DLGAP5: variants seen among roughly 807,000 people sequenced by gnomAD.
DLGAP5 encodes DLG associated protein 5.
DLGAP5 carries 90 observed loss-of-function variants against 99.6 expected under a neutral mutation model. That is an observed-to-expected ratio of 0.90 (90% CI 0.76 to 1.08). The LOEUF (loss-of-function observed/expected upper bound fraction) is 1.08, where lower values mean the gene tolerates loss of function less well. DLGAP5 is among the 50% of genes least tolerant of loss of function. The pLI is 0.00. For synonymous variants in DLGAP5, 311 were observed against 321.3 expected (o/e 0.97, Z 0.34); for missense variants, 1,036 against 983.5 (o/e 1.05, Z -0.71).
At chr14:55,165,223 CA>C (rs1882596847) in intron 12 of DLGAP5, among the ~76,000 whole-genome samples, 1 of 152,098 alleles carries the variant, frequency 6.6e-6, no homozygotes, top group Non-Finnish European at 1.5e-5. Flanking sequence ...TAGAGAAATT[CA>C]AATCAAAACT....
chr14:55,173,155 C>T (rs555295396), intron 10 of DLGAP5, among the ~76,000 whole-genome samples: 2 of 151,316 alleles, frequency 1.3e-5, no homozygotes, highest in East Asian at 3.9e-4. Flanking sequence ...AGAAATTAAG[C>T]TGGACATAGT....
rs747763957 is a variant in DLGAP5, at chr14:55,169,503, A to G, written c.1444T>C (p.Phe482Leu). Reference protein sequence around the residue: ...GQTRLLMKERFKQFEGLVDDC... With the variant: ...GQTRLLMKERLKQFEGLVDDC... ...TCAACCAGTCCTTCAAACTGTTTAA[A>G]CCTTTCCTTCATAAGGAGTCTTGTT... The change falls in exon 12 of 19, where the codon TTT (phenylalanine) becomes CTT (leucine). Residue 482 changes from phenylalanine (F) to leucine (L), a missense_variant. Transcript: ENST00000247191. 5 of 1,612,236 alleles carry G rather than the reference A, an allele frequency of 3.1e-6. No individual in the cohort carries two copies. The highest frequency in any genetic ancestry group is 3.4e-6 in the Non-Finnish European group (4 of 1,179,500).
intron 12 of DLGAP5, 151 bp downstream of exon 12, chr14:55,169,248 C>G: frequency 2.7e-6 from 1 of 370,208 alleles, no homozygotes; most frequent in Non-Finnish European, 4.6e-6. Context: ...AAATTTAGAT[C>G]ATGTTTTACA....
intron 10 of DLGAP5, among the ~76,000 whole-genome samples, chr14:55,172,854 C>G (rs545650530): frequency 3.3e-5 from 5 of 151,606 alleles, no homozygotes; most frequent in Non-Finnish European, 7.4e-5. Flanking sequence ...TGGTGGCACA[C>G]GCCTGTAATC....
At chr14:55,174,059 T>C (rs1882968148) in intron 10 of DLGAP5, among the ~76,000 whole-genome samples, 1 of 152,278 alleles carries the variant, frequency 6.6e-6, no homozygotes, top group African/African-American at 2.4e-5. Flanking sequence ...AACAGAGCCA[T>C]ATTTCTCTTC....
At chr14:55,190,000 A>G (rs954932695) in intron 1 of DLGAP5, among the ~76,000 whole-genome samples, 1 of 152,196 alleles carries the variant, frequency 6.6e-6, no homozygotes, top group East Asian at 1.9e-4. Flanking sequence ...GCTATCAGTC[A>G]ATCATTAGCA....
chr14:55,155,094 G>A (rs1047375438), intron 14 of DLGAP5, among the ~76,000 whole-genome samples: 1 of 151,900 alleles, frequency 6.6e-6, no homozygotes, highest in Admixed American at 6.6e-5. Flanking sequence ...GTGATCTCTC[G>A]GCTCACTGCA....
At chr14:55,170,118 A>G (rs970595254) in intron 11 of DLGAP5, among the ~76,000 whole-genome samples, 2 of 151,988 alleles carry the variant, frequency 1.3e-5, no homozygotes, top group African/African-American at 4.8e-5. Context: ...CTGGGCAACA[A>G]GAGCAACACT....
intron 13 of DLGAP5, among the ~76,000 whole-genome samples, chr14:55,161,871 T>A (rs1228052237): frequency 1.9e-5 from 1 of 54,042 alleles, no homozygotes; most frequent in Non-Finnish European, 3.5e-5. Flanking sequence ...CCAAACTCTG[T>A]CTCAAAAAAA....
chr14:55,189,223 T>A (rs573579276), intron 1 of DLGAP5, 43 bp from the exon 2 acceptor site: 1 of 1,488,116 alleles, frequency 6.7e-7, no homozygotes, highest in African/African-American at 1.4e-5. Flanking sequence ...TGAATTTTCA[T>A]TATTTAAAAA....
At position 55,191,561 on chromosome 14, in the gene DLGAP5, C is replaced by T. The variant is rs1221446135; in HGVS notation, c.-100G>A. 2 of 152,772 alleles carry T rather than the reference C, an allele frequency of 1.3e-5. No individual in the cohort carries two copies. Among genetic ancestry groups the T allele is most frequent in the Non-Finnish European group, 2.9e-5 (2 of 68,116 alleles). 9.5% of individuals were successfully genotyped at this position (152,772 alleles called of 1,614,324 possible). On this transcript the variant is annotated 5_prime_UTR_variant, in exon 1 of 19. Coordinates refer to ENST00000247191, the MANE Select transcript of DLGAP5 (RefSeq NM_014750.5). ...ACTCCGAAGCAGGAACCCTCACAAC[C>T]CGAGCCTCCACGAAATTCAAACTTG... is the stretch of plus-strand genomic sequence containing the variant.
At chr14:55,161,535 G>A (rs1156674711) in intron 13 of DLGAP5, among the ~76,000 whole-genome samples, 1 of 149,032 alleles carries the variant, frequency 6.7e-6, no homozygotes, top group Non-Finnish European at 1.5e-5. Context: ...TCAGCCTCCT[G>A]AGTAGCTGGG....
intron 1 of DLGAP5, among the ~76,000 whole-genome samples, chr14:55,190,312 A>ACACACACACACG (rs1446818745): frequency 2.0e-5 from 3 of 152,060 alleles, no homozygotes; most frequent in East Asian, 1.9e-4. Flanking sequence ...ACACACACAC[A>ACACACACACACG]CACGCACAAA....
intron 9 of DLGAP5, 145 bp downstream of exon 9, chr14:55,175,749 C>T: frequency 1.4e-6 from 1 of 717,682 alleles, no homozygotes; most frequent in Non-Finnish European, 2.1e-6. Flanking sequence ...TTCACATCCC[C>T]AAATGATATG....
chr14:55,150,729 T>G (rs1375156239), intron 18 of DLGAP5, 70 bp downstream of exon 18: 2 of 1,181,788 alleles, frequency 1.7e-6, no homozygotes, highest in African/African-American at 3.2e-5. Context: ...TGTACACAAA[T>G]AGAAAAGCAA....
rs1203301595 is a variant in DLGAP5 at position 55,148,467 on chromosome 14, G to C, written c.2425C>G (p.Leu809Val). The change falls in exon 19 of 19, where the codon CTA (leucine) becomes GTA (valine). Residue 809 changes from leucine (L) to valine (V), a missense_variant. Coordinates refer to ENST00000247191, the MANE Select transcript of DLGAP5 (RefSeq NM_014750.5). ...TECHLLDSPG[L>V]NCSNPFTQLE... ...TGAGTAAATGGATTACTGCAGTTTA[G>C]ACCTGGCTGGAGAACAAATCCAGAG... The C allele has an allele frequency of 6.2e-7, 1 of 1,613,848 alleles. No homozygotes were observed. The highest frequency in any genetic ancestry group is 1.3e-5 in the African/African-American group (1 of 74,904).
intron 13 of DLGAP5, 102 bp from the exon 14 acceptor site, chr14:55,158,843 T>G: frequency 2.6e-6 from 2 of 757,400 alleles, no homozygotes; most frequent in Non-Finnish European, 4.2e-6. Flanking sequence ...TTTTTAAAAA[T>G]AAAGTATACA....
In DLGAP5 at chr14:55,175,454, T is replaced by A; in HGVS notation, c.1193A>T (p.Asn398Ile). 1.5e-6 allele frequency: 2 copies of A among 1,342,096 alleles called. No homozygotes were observed. The highest frequency in any genetic ancestry group is 2.1e-6 in the Non-Finnish European group (2 of 951,082). The allele number at this position is 1,342,096 out of a possible 1,614,324, so 83.1% of individuals were successfully genotyped here. The change falls in exon 10 of 19, where the codon AAT (asparagine) becomes ATT (isoleucine). Residue 398 changes from asparagine (N) to isoleucine (I), a missense_variant. Transcript: ENST00000247191. ...VWHEEHVLNKNEATTKNLNGL... is the reference protein window; with the variant it reads ...VWHEEHVLNKIEATTKNLNGL... ...ATTTAAATTTTTAGTAGTAGCTTCA[T>A]TTTTATTTAAAACATGTTCTATAAA...
chr14:55,156,057 C>A (rs868352223), intron 14 of DLGAP5, among the ~76,000 whole-genome samples: 2 of 151,628 alleles, frequency 1.3e-5, no homozygotes, highest in African/African-American at 2.4e-5. Context: ...TGCCACTGCA[C>A]TCCAGCCTGG....
Sources: gnomAD v4.1 joint callset for allele counts (sites outside exome capture counted in the v4.1 genomes callset) on GRCh38, gnomAD v4.1.1 for gene constraint, MANE v1.5 for transcripts, NCBI Gene and HGNC (gene_info 2026-07-23, HGNC 2026-07-21) for gene names.